Variants in HMGA2 observed in about 807,000 individuals in gnomAD.
The protein encoded by HMGA2 is high mobility group protein HMGI-C.
A neutral mutation model predicts 19.1 loss-of-function variants in HMGA2; 8 were observed. The ratio of observed to expected loss-of-function variants is 0.42; its 90% confidence interval spans 0.25 to 0.76. HMGA2 has a LOEUF of 0.76. Ranked by LOEUF, HMGA2 falls within the 30% of genes least tolerant of loss-of-function variation. The probability of loss-of-function intolerance (pLI) is 0.28; values close to 1 mark genes in which losing one functional copy is unlikely to be tolerated. For synonymous variants in HMGA2, 60 were observed against 48.8 expected, an observed-to-expected ratio of 1.23 and a Z score of -0.96; for missense variants, 109 against 136.3, an observed-to-expected ratio of 0.80 and a Z score of 1.00.
At chr12:65,826,423 T>C (rs1360446150) in intron 1 of HMGA2, 1 of 152,216 alleles carries the variant, frequency 6.6e-6, no homozygotes, top group African/African-American at 2.4e-5. Context: ...TTGAGAACAT[T>C]TAAACTCCAC....
At chr12:65,943,953 G>A (rs1876175288) in intron 3 of HMGA2, among the ~76,000 whole-genome samples, 5 of 152,310 alleles carry the variant, frequency 3.3e-5, no homozygotes, top group African/African-American at 1.2e-4. Context: ...CTAGGGGGCA[G>A]GTTCATTCCC....
chr12:65,922,325 C>T (rs1274779136), intron 3 of HMGA2, among the ~76,000 whole-genome samples: 1 of 152,188 alleles, frequency 6.6e-6, no homozygotes, highest in African/African-American at 2.4e-5. Context: ...CTGCCTAAGA[C>T]CGTAGGAACC....
At chr12:65,859,167 T>G (rs959017346) in intron 3 of HMGA2, 2 of 152,252 alleles carry the variant, frequency 1.3e-5, no homozygotes, top group African/African-American at 4.8e-5. Flanking sequence ...GTCATCAGGT[T>G]CCTGTCCCAC....
chr12:65,853,690 G>T (rs776471381), intron 3 of HMGA2, among the ~76,000 whole-genome samples: 69 of 152,162 alleles, frequency 4.5e-4, no homozygotes, highest in African/African-American at 4.8e-5. Context: ...CATGTCTGGG[G>T]CATGAGCCTG....
intron 3 of HMGA2, among the ~76,000 whole-genome samples, chr12:65,852,464 C>T (rs112592053): frequency 0.043 from 6,490 of 152,178 alleles, 398 homozygotes; most frequent in African/African-American, 0.14. Flanking sequence ...GATTGCACCA[C>T]TGTACTCTGG....
At chr12:65,917,480 T>C (rs1166635066) in intron 3 of HMGA2, among the ~76,000 whole-genome samples, 1 of 152,110 alleles carries the variant, frequency 6.6e-6, no homozygotes, top group Non-Finnish European at 1.5e-5. Flanking sequence ...TAAGACAGTG[T>C]TGGTTTAACG....
At chr12:65,942,824 C>T (rs186932563) in intron 3 of HMGA2, 1 of 152,122 alleles carries the variant, frequency 6.6e-6, no homozygotes, top group South Asian at 2.1e-4. Flanking sequence ...TTAAGCTTAA[C>T]TGTAATCTTT....
intron 3 of HMGA2, among the ~76,000 whole-genome samples, chr12:65,948,691 T>C (rs1368962811): frequency 6.6e-6 from 1 of 152,180 alleles, no homozygotes; most frequent in Non-Finnish European, 1.5e-5. Context: ...TGTTTGGTGG[T>C]CTGAAAAGTA....
intron 3 of HMGA2, among the ~76,000 whole-genome samples, chr12:65,852,573 T>C (rs1257993773): frequency 6.6e-6 from 1 of 152,182 alleles, no homozygotes. Context: ...TCCTGTTATT[T>C]ATATAACTTC....
chr12:65,831,449 T>C (rs1484183283), intron 2 of HMGA2, among the ~76,000 whole-genome samples: 5 of 150,462 alleles, frequency 3.3e-5, no homozygotes, highest in Non-Finnish European at 7.4e-5. Flanking sequence ...GGAAGGAAAA[T>C]GAAAATAAAA....
At chr12:65,836,152 G>A (rs923798326) in intron 2 of HMGA2, among the ~76,000 whole-genome samples, 3 of 152,158 alleles carry the variant, frequency 2.0e-5, no homozygotes, top group African/African-American at 7.2e-5. Flanking sequence ...GAGGTCAGGA[G>A]ATCGAGACCA....
At chr12:65,948,208 C>T (rs1876333060) in intron 3 of HMGA2, among the ~76,000 whole-genome samples, 1 of 152,178 alleles carries the variant, frequency 6.6e-6, no homozygotes, top group Non-Finnish European at 1.5e-5. Context: ...TTCTAGCTTT[C>T]ATATAGGAAA....
chr12:65,888,552 C>CTTTT (rs1565722298), intron 3 of HMGA2, among the ~76,000 whole-genome samples: 3 of 90,302 alleles, frequency 3.3e-5, no homozygotes, highest in African/African-American at 4.6e-5. Context: ...CCGTGGTGTG[C>CTTTT]TCTTTTTTTT....
At chr12:65,915,589 TG>T in intron 3 of HMGA2, 1 of 1,051,754 alleles carries the variant, frequency 9.5e-7, no homozygotes, top group Non-Finnish European at 1.2e-6. Context: ...CTCATTCCAT[TG>T]GTATTTTCCT....
At chr12:65,907,411 CAAAA>C (rs762897630) in intron 3 of HMGA2, among the ~76,000 whole-genome samples, 1 of 54,582 alleles carries the variant, frequency 1.8e-5, no homozygotes, top group African/African-American at 6.3e-5. Context: ...GATTCCGTCT[CAAAA>C]AAAAAAAAAA....
At chr12:65,877,748 C>T (rs774167582) in intron 3 of HMGA2, among the ~76,000 whole-genome samples, 7 of 151,466 alleles carry the variant, frequency 4.6e-5, no homozygotes, top group South Asian at 2.1e-4. Flanking sequence ...TTATCTCCCA[C>T]GTCAATGGAG....
Position 65,828,045 on chromosome 12 carries a change from C to G in HMGA2, c.156C>G (p.Pro52=). 1.2e-6 allele frequency: 2 copies of G among 1,613,784 alleles called. No homozygotes were observed. The highest frequency in any genetic ancestry group is 4.5e-5 in the East Asian group (2 of 44,858). Residue 52 remains proline (P), a synonymous_variant, in exon 2 of 5, where the codon CCC becomes CCG. Coordinates refer to ENST00000403681, the MANE Select transcript of HMGA2 (RefSeq NM_003483.6). ...CTCCTAAGAGACCCAGGGGAAGACC[C>G]AAAGGCAGCAAAAACAAGAGTCCCT... ...EPSPKRPRGR[P]KGSKNKSPSK...
In HMGA2 at chr12:65,884,218, T is replaced by C. The variant is rs117052598; in HGVS notation, c.249+45649T>C. Among the ~76,000 whole-genome samples, 585 of 152,352 alleles carry C rather than the reference T, an allele frequency of 3.8e-3. 20 individuals are homozygous for C. The East Asian group carries it at 0.081, about 21-fold the overall frequency. Reference sequence around the variant, plus strand: ...ATCCCTAATTTGAAAACCTGAAATCTGAAATCTTCCAAAATCCAAAACTTT... The same window carrying C: ...ATCCCTAATTTGAAAACCTGAAATCCGAAATCTTCCAAAATCCAAAACTTT... On this transcript the variant is annotated intron_variant, in intron 3 of 4. Transcript: ENST00000403681.
chr12:65,945,503 A>G (rs1226657163), intron 3 of HMGA2, among the ~76,000 whole-genome samples: 3 of 152,148 alleles, frequency 2.0e-5, no homozygotes, highest in Non-Finnish European at 4.4e-5. Flanking sequence ...ATTTCACAGC[A>G]CATAAATGAA....
Sources: allele counts gnomAD v4.1 joint callset (sites outside exome capture counted in the v4.1 genomes callset), GRCh38; gene constraint gnomAD v4.1.1; transcripts MANE v1.5; gene names NCBI Gene and HGNC (gene_info 2026-07-23, HGNC 2026-07-21).